The following FAT4 variants were observed in gnomAD, a reference collection of about 807,000 sequenced individuals.
FAT4 encodes the protein FAT atypical cadherin 4.
In FAT4, 84 loss-of-function variants were observed where a neutral mutation model predicts 303.9. The ratio of observed to expected loss-of-function variants is 0.28; its 90% CI spans 0.23 to 0.33. The LOEUF is 0.33. Among genes scored for constraint, FAT4 ranks in the 10% least tolerant of loss-of-function variants. The pLI is 1.00. For missense variants in FAT4, 6,005 were observed against 6,146.8 expected (o/e 0.98, Z 0.77); for synonymous variants, 2,307 against 2,298.8 (o/e 1.00, Z -0.10).
chr4:125,393,766 A>G (rs1205995760), intron 2 of FAT4, among the ~76,000 whole-genome samples: 3 of 152,208 alleles, frequency 2.0e-5, no homozygotes, highest in Non-Finnish European at 2.9e-5. Context: ...CTTAAATTTT[A>G]CTTTTATAAA....
Position 125,321,605 on chromosome 4 carries a change from T to C in FAT4, c.5175+19T>C, listed in dbSNP as rs1730956238. On this transcript the variant is annotated intron_variant, in intron 2 of 17. Coordinates refer to ENST00000394329, the MANE Select transcript of FAT4 (RefSeq NM_001291303.3). ...AGCAGAGGTAATGATTTTGTAGTCA[T>C]TTATTATTTGTTGATTTGCTTTTTA... The C allele has an allele frequency of 6.4e-7, 1 of 1,552,720 alleles. No individual in the cohort carries two copies. The highest frequency in any genetic ancestry group is 8.7e-7 in the Non-Finnish European group (1 of 1,152,744).
chr4:125,446,612 T>C, intron 9 of FAT4, 69 bp downstream of exon 9: 1 of 1,367,470 alleles, frequency 7.3e-7, no homozygotes. Context: ...TATAAAAATA[T>C]TTATGATATT....
At chr4:125,428,973 G>A (rs1487161129) in intron 7 of FAT4, among the ~76,000 whole-genome samples, 1 of 152,084 alleles carries the variant, frequency 6.6e-6, no homozygotes, top group African/African-American at 2.4e-5. Context: ...AATCCCAGGT[G>A]GAATTGAACA....
intron 2 of FAT4, among the ~76,000 whole-genome samples, chr4:125,393,360 G>T (rs995293828): frequency 1.3e-5 from 2 of 152,056 alleles, no homozygotes; most frequent in Non-Finnish European, 2.9e-5. Context: ...TGCTATTTTA[G>T]TCATTTCCTT....
At chr4:125,370,921 G>T (rs2663254) in intron 2 of FAT4, among the ~76,000 whole-genome samples, 1 of 151,966 alleles carries the variant, frequency 6.6e-6, no homozygotes, top group African/African-American at 2.4e-5. Flanking sequence ...CAAGGCAGGC[G>T]GGTCACCTGA....
At position 125,407,037 on chromosome 4, in the gene FAT4, C is replaced by T; in HGVS notation, c.5465C>T (p.Ser1822Phe). 1 of 1,613,766 alleles carries T rather than the reference C, an allele frequency of 6.2e-7. No homozygotes were observed. Among genetic ancestry groups the T allele is most frequent in the Non-Finnish European group, 8.5e-7 (1 of 1,179,848 alleles). ...GTTCGTGCTGATGATGGTCTTCAGTCCTCGGATATGAGAATTAATATCACT... is the reference window on the plus strand; with the variant it reads ...GTTCGTGCTGATGATGGTCTTCAGTTCTCGGATATGAGAATTAATATCACT... Reference protein sequence around the residue: ...LLVRADDGLQSSDMRINITVS... With the variant: ...LLVRADDGLQFSDMRINITVS... Residue 1822 changes from serine (S) to phenylalanine (F), a missense_variant, in exon 4 of 18, where the codon TCC becomes TTC. Transcript: ENST00000394329.
chr4:125,335,230 TTGTC>T (rs1731525177), intron 2 of FAT4, among the ~76,000 whole-genome samples: 1 of 152,160 alleles, frequency 6.6e-6, no homozygotes, highest in Non-Finnish European at 1.5e-5. Flanking sequence ...TTCTCTTTGT[TTGTC>T]AGTATTTTTA....
At chr4:125,419,764 G>A (rs1735215221) in intron 7 of FAT4, among the ~76,000 whole-genome samples, 2 of 152,132 alleles carry the variant, frequency 1.3e-5, no homozygotes, top group Admixed American at 1.3e-4. Context: ...TCTCCTGTCA[G>A]TTCTGCATTT....
chr4:125,451,379 A>G lies in FAT4; in HGVS notation c.10369A>G (p.Ile3457Val), dbSNP rs1246430923. The change falls in exon 10 of 18, where the codon ATT becomes GTT. Residue 3457 changes from isoleucine to valine, a missense_variant. Ile to Val is a conservative substitution (Grantham distance 29). Transcript: ENST00000394329. Reference protein sequence around the residue: ...GSGNENGAFSINPQTGQITVT... With the variant: ...GSGNENGAFSVNPQTGQITVT... ...AGGGAATGAAAATGGTGCCTTTTCTATTAATCCGCAGACAGGACAGATCAC... is the reference window on the plus strand; with the variant it reads ...AGGGAATGAAAATGGTGCCTTTTCTGTTAATCCGCAGACAGGACAGATCAC... 1.9e-6 allele frequency: 3 copies of G among 1,614,026 alleles called. No homozygotes were observed. Among genetic ancestry groups the G allele is most frequent in the African/African-American group, 1.3e-5 (1 of 74,922 alleles).
In FAT4 at chr4:125,318,082, G is replaced by T. The variant is rs1178265942; in HGVS notation, c.1671G>T (p.Gln557His). Reference protein sequence around the residue: ...QIVLNISARDQGVHPKVSYAQ... With the variant: ...QIVLNISARDHGVHPKVSYAQ... Reference sequence around the variant, plus strand: ...TTCTGAATATAAGTGCCCGGGACCAGGGAGTTCACCCCAAGGTGTCCTATG... The same window carrying T: ...TTCTGAATATAAGTGCCCGGGACCATGGAGTTCACCCCAAGGTGTCCTATG... Residue 557 changes from glutamine to histidine, a missense_variant, in exon 2 of 18, where the codon CAG (glutamine) becomes CAT (histidine). Gln to His is a conservative substitution (Grantham distance 24). Coordinates refer to ENST00000394329, the MANE Select transcript of FAT4 (RefSeq NM_001291303.3). The T allele has an allele frequency of 6.2e-7, 1 of 1,614,012 alleles. No homozygotes were observed. The highest frequency in any genetic ancestry group is 8.5e-7 in the Non-Finnish European group (1 of 1,180,034).
intron 2 of FAT4, among the ~76,000 whole-genome samples, chr4:125,369,406 T>C (rs1308304917): frequency 2.0e-5 from 3 of 152,136 alleles, no homozygotes; most frequent in Non-Finnish European, 4.4e-5. Context: ...CACTCCATCC[T>C]GCCTGGGTGA....
chr4:125,389,968 C>T (rs894092156), intron 2 of FAT4, among the ~76,000 whole-genome samples: 6 of 152,090 alleles, frequency 3.9e-5, no homozygotes, highest in Non-Finnish European at 7.4e-5. Context: ...GGCTCTGCTA[C>T]ATGATGAAGT....
intron 2 of FAT4, among the ~76,000 whole-genome samples, chr4:125,351,947 T>C (rs1732241431): frequency 6.6e-6 from 1 of 151,716 alleles, no homozygotes; most frequent in Non-Finnish European, 1.5e-5. Context: ...AAGGCAGAAA[T>C]TCAGCTAATT....
chr4:125,325,215 A>G (rs1731106685), intron 2 of FAT4, among the ~76,000 whole-genome samples: 1 of 152,192 alleles, frequency 6.6e-6, no homozygotes, highest in Admixed American at 6.6e-5. Flanking sequence ...ACATAAAAAT[A>G]CATTTATCTC....
chr4:125,468,378 A>G, intron 11 of FAT4, 134 bp from the exon 12 acceptor site: 1 of 520,924 alleles, frequency 1.9e-6, no homozygotes, highest in Non-Finnish European at 3.1e-6. Flanking sequence ...ATTTTAGTTT[A>G]GATGAAATTT....
intron 2 of FAT4, among the ~76,000 whole-genome samples, chr4:125,326,206 T>C (rs1005396747): frequency 6.6e-6 from 1 of 152,050 alleles, no homozygotes; most frequent in Non-Finnish European, 1.5e-5. Context: ...CAAGAAACTA[T>C]TAAGATTTCC....
chr4:125,465,075 A>G (rs899247734), intron 11 of FAT4, among the ~76,000 whole-genome samples: 1 of 152,212 alleles, frequency 6.6e-6, no homozygotes, highest in African/African-American at 2.4e-5. Flanking sequence ...AAAAATATCT[A>G]ATTTTGAGGA....
chr4:125,446,317 T>C lies in FAT4; in HGVS notation c.7224T>C (p.Ser2408=). ...VISYRIIGGN[S]QFTINPSTGQ... The stretch of plus-strand genomic sequence containing the variant: ...GTTATAGGATCATCGGTGGAAACTC[T>C]CAGTTCACGATCAACCCATCGACAG... Residue 2408 remains serine, a synonymous_variant, in exon 9 of 18, where the codon TCT becomes TCC. Coordinates refer to ENST00000394329, the MANE Select transcript of FAT4 (RefSeq NM_001291303.3). 1 of 1,613,000 alleles carries C rather than the reference T, an allele frequency of 6.2e-7. No individual in the cohort carries two copies. Among genetic ancestry groups the C allele is most frequent in the Non-Finnish European group, 8.5e-7 (1 of 1,179,190 alleles).
chr4:125,434,114 A>G, intron 7 of FAT4, 131 bp from the exon 8 acceptor site: 1 of 712,974 alleles, frequency 1.4e-6, no homozygotes, highest in Non-Finnish European at 2.3e-6. Context: ...TCACTCAATC[A>G]CTTATGTGTT....
Sources: gnomAD v4.1 joint callset for allele counts (sites outside exome capture counted in the v4.1 genomes callset) on GRCh38, gnomAD v4.1.1 for gene constraint, MANE v1.5 for transcripts, NCBI Gene and HGNC (gene_info 2026-07-23, HGNC 2026-07-21) for gene names.